Variants in LIMD1 observed in about 807,000 individuals in gnomAD.
The protein encoded by LIMD1 is LIM domain containing 1.
LIMD1 carries 23 observed loss-of-function variants against 58.4 expected under a neutral mutation model. The ratio of observed to expected loss-of-function variants is 0.39; its 90% CI spans 0.28 to 0.56. The LOEUF (loss-of-function observed/expected upper bound fraction) is 0.56. Ranked by LOEUF, LIMD1 falls within the 20% of genes least tolerant of loss-of-function variation. The pLI is 0.57. For synonymous variants in LIMD1, 334 were observed against 345.5 expected, an observed-to-expected ratio of 0.97 and a Z score of 0.37; for missense variants, 838 against 855.5, an observed-to-expected ratio of 0.98 and a Z score of 0.25.
At chr3:45,601,898 C>T (rs1288442492) in intron 1 of LIMD1, among the ~76,000 whole-genome samples, 3 of 151,936 alleles carry the variant, frequency 2.0e-5, no homozygotes, top group Admixed American at 1.3e-4. Flanking sequence ...TTTGTGGGCT[C>T]CTTGCGTTTT....
chr3:45,596,140 A>C lies in LIMD1; in HGVS notation c.1261A>C (p.Ser421Arg), dbSNP rs779851958. Residue 421 changes from serine to arginine, a missense_variant, in exon 1 of 8, where the codon AGC (serine) becomes CGC (arginine). Around this residue, in one of 3 missense-constraint regions of LIMD1, gnomAD observed 659 missense variants for 639.8 expected, o/e 1.03. Coordinates refer to ENST00000273317, the MANE Select transcript of LIMD1 (RefSeq NM_014240.3). ...DGSLGSVLLD[S>R]PSSPRVRLPC... is the part of the protein sequence containing the mutation. ...TAGCCTGGGATCTGTGCTCCTGGACAGCCCCAGCTCCCCTAGGGTAAGGCT... is the reference window on the plus strand; with the variant it reads ...TAGCCTGGGATCTGTGCTCCTGGACCGCCCCAGCTCCCCTAGGGTAAGGCT... The C allele has an allele frequency of 1.4e-5, 23 of 1,614,008 alleles. No homozygotes were observed. The highest frequency in any genetic ancestry group is 1.9e-5 in the Non-Finnish European group (22 of 1,180,020).
intron 1 of LIMD1, among the ~76,000 whole-genome samples, chr3:45,633,341 A>C (rs1416496935): frequency 1.3e-5 from 2 of 152,212 alleles, no homozygotes. Flanking sequence ...TGCTTTACAT[A>C]GATCATTTGT....
chr3:45,594,844 C>CGT lies in LIMD1; in HGVS notation c.-35_-34insTG. ...ACACACACACACACACACACACACA[C>CGT]GGCACCTGGGCTAGGCCCGGACACC... On this transcript the variant is annotated 5_prime_UTR_variant, in exon 1 of 8. Coordinates refer to ENST00000273317, the MANE Select transcript of LIMD1 (RefSeq NM_014240.3). 7.2e-7 allele frequency: 1 copy of CGT among 1,385,780 alleles called. No individual in the cohort carries two copies. Among genetic ancestry groups the CGT allele is most frequent in the Non-Finnish European group, 1.0e-6 (1 of 1,004,412 alleles). The allele number at this position is 1,385,780 out of a possible 1,614,324, so 85.8% of individuals were successfully genotyped here.
intron 2 of LIMD1, among the ~76,000 whole-genome samples, chr3:45,638,768 G>A (rs557306235): frequency 2.0e-5 from 3 of 151,782 alleles, no homozygotes; most frequent in South Asian, 2.1e-4. Context: ...CCCACCAACT[G>A]TGTATAAGCA....
At chr3:45,668,929 C>T (rs912261559) in intron 4 of LIMD1, among the ~76,000 whole-genome samples, 2 of 152,232 alleles carry the variant, frequency 1.3e-5, no homozygotes, top group Non-Finnish European at 2.9e-5. Flanking sequence ...TCTGGCTTCT[C>T]TGTGATCCTT....
Position 45,677,044 on chromosome 3 carries a change from C to T in LIMD1, c.2016C>T (p.His672=), listed in dbSNP as rs1197094504. Residue 672 remains histidine, a synonymous_variant, in exon 8 of 8, where the codon CAC becomes CAT. Coordinates refer to ENST00000273317, the MANE Select transcript of LIMD1 (RefSeq NM_014240.3). The stretch of plus-strand genomic sequence containing the variant: ...AGAGACCCTCATCTACAGCCCTTCA[C>T]CAGCACCACTTCTAGCCAGAGCCAC... The part of the protein sequence containing the change: ...LEKRPSSTAL[H]QHHF The T allele has an allele frequency of 1.2e-6, 2 of 1,613,830 alleles. No homozygotes were observed. Among genetic ancestry groups the T allele is most frequent in the Admixed American group, 1.7e-5 (1 of 60,030 alleles).
rs1697678479 is a variant in LIMD1, at chr3:45,676,828, A to G, written c.1894-94A>G. Reference sequence around the variant, plus strand: ...ATTTCCTGCCTATACAGAAACACACAGCACCCTCTGCTGATTTTGGGGACT... The same window carrying G: ...ATTTCCTGCCTATACAGAAACACACGGCACCCTCTGCTGATTTTGGGGACT... On this transcript the variant is annotated intron_variant, in intron 7 of 7. Transcript: ENST00000273317. 24 of 1,232,182 alleles carry G rather than the reference A, an allele frequency of 1.9e-5. No individual in the cohort carries two copies. In the South Asian group the frequency reaches 3.0e-4, roughly 16 times the overall value. 76.3% of individuals were successfully genotyped at this position (1,232,182 alleles called of 1,614,324 possible). A position where few individuals can be genotyped will look rare whatever the true frequency, so the allele number is the denominator to read the frequency against.
At chr3:45,630,521 C>T (rs1047887436) in intron 1 of LIMD1, among the ~76,000 whole-genome samples, 1 of 152,178 alleles carries the variant, frequency 6.6e-6, no homozygotes, top group Non-Finnish European at 1.5e-5. Context: ...GGAGGAGCTG[C>T]GGGTTGCCCC....
In LIMD1 at chr3:45,674,416, A is replaced by AGCCC; in HGVS notation, c.1893+5_1893+6insGCCC. 6.2e-7 allele frequency: 1 copy of AGCCC among 1,607,848 alleles called. No individual in the cohort carries two copies. The highest frequency in any genetic ancestry group is 1.3e-5 in the African/African-American group (1 of 74,638). On this transcript the variant is annotated splice_donor_region_variant and intron_variant, in intron 7 of 7. Coordinates refer to ENST00000273317, the MANE Select transcript of LIMD1 (RefSeq NM_014240.3). ...GTGGAGTGTTACCACTGCGAGGTAG[A>AGCCC]CCCCTCCCCACCCAGCCCCCAAAGC...
At chr3:45,647,445 G>A (rs1258146902) in intron 2 of LIMD1, among the ~76,000 whole-genome samples, 1 of 152,190 alleles carries the variant, frequency 6.6e-6, no homozygotes, top group Non-Finnish European at 1.5e-5. Flanking sequence ...AGCAGGGCAC[G>A]GGTCAGCCTG....
At chr3:45,675,286 T>G (rs1476023972) in intron 7 of LIMD1, among the ~76,000 whole-genome samples, 2 of 152,336 alleles carry the variant, frequency 1.3e-5, no homozygotes, top group African/African-American at 4.8e-5. Context: ...TCTCAGCACT[T>G]TGGGAGGCCA....
chr3:45,637,018 T>C (rs1482595805), intron 2 of LIMD1, among the ~76,000 whole-genome samples: 1 of 152,230 alleles, frequency 6.6e-6, no homozygotes, highest in African/African-American at 2.4e-5. Context: ...ATACTGAGGC[T>C]AACAGCTCTC....
intron 2 of LIMD1, among the ~76,000 whole-genome samples, chr3:45,664,157 C>T (rs1353434074): frequency 1.3e-5 from 2 of 152,020 alleles, no homozygotes. Context: ...AGGCTTGAGC[C>T]ACTGTGCCCG....
At chr3:45,664,424 C>G (rs535563213) in intron 2 of LIMD1, among the ~76,000 whole-genome samples, 1 of 152,286 alleles carries the variant, frequency 6.6e-6, no homozygotes, top group African/African-American at 2.4e-5. Context: ...AGCTTCCCCT[C>G]CAAGTATGAA....
intron 2 of LIMD1, among the ~76,000 whole-genome samples, chr3:45,646,809 C>G (rs9820154): frequency 0.11 from 16,716 of 151,824 alleles, 1,040 homozygotes; most frequent in African/African-American, 0.15. Context: ...ACCTCAGTCC[C>G]TTTAGTCCCC....
chr3:45,603,156 A>G (rs1008192679), intron 1 of LIMD1, among the ~76,000 whole-genome samples: 1 of 152,090 alleles, frequency 6.6e-6, no homozygotes, highest in Non-Finnish European at 1.5e-5. Context: ...TGACTTTTTA[A>G]TTACTGTTTA....
intron 1 of LIMD1, among the ~76,000 whole-genome samples, chr3:45,618,533 G>C (rs1395061449): frequency 6.6e-6 from 1 of 152,166 alleles, no homozygotes; most frequent in African/African-American, 2.4e-5. Flanking sequence ...GGGTGTCTGT[G>C]AGGAGAGTGG....
intron 2 of LIMD1, among the ~76,000 whole-genome samples, chr3:45,650,319 T>C (rs1701954790): frequency 6.6e-6 from 1 of 152,152 alleles, no homozygotes; most frequent in Non-Finnish European, 1.5e-5. Flanking sequence ...TTAAAAAGCT[T>C]TTTGTTATTT....
At chr3:45,600,864 G>C (rs1186521308) in intron 1 of LIMD1, among the ~76,000 whole-genome samples, 2 of 152,152 alleles carry the variant, frequency 1.3e-5, no homozygotes, top group Non-Finnish European at 2.9e-5. Flanking sequence ...AGGAGTTTAA[G>C]ACCAGCCTGG....
Sources: gnomAD v4.1 joint callset for allele counts (sites outside exome capture counted in the v4.1 genomes callset) on GRCh38, gnomAD v4.1.1 for gene constraint, gnomAD v4.1.1 regional missense constraint, MANE v1.5 for transcripts, NCBI Gene and HGNC (gene_info 2026-07-23, HGNC 2026-07-21) for gene names.